SORBS2: variants seen among roughly 807,000 people sequenced by gnomAD.
The protein encoded by SORBS2 is sorbin and SH3 domain containing 2.
A neutral mutation model predicts 97.7 loss-of-function variants in SORBS2; 46 were observed. That is an observed-to-expected ratio of 0.47 (90% CI 0.37 to 0.60). The LOEUF (loss-of-function observed/expected upper bound fraction) is 0.60, where lower values mean the gene tolerates loss of function less well. Among genes scored for constraint, SORBS2 ranks in the 20% least tolerant of loss-of-function variants. The pLI is 0.00. For missense variants in SORBS2, 1,316 were observed against 1,282.3 expected (o/e 1.03, Z -0.40); for synonymous variants, 476 against 473.4 (o/e 1.01, Z -0.07).
chr4:185,954,383 T>C (rs1217733088), intron 1 of SORBS2, among the ~76,000 whole-genome samples: 1 of 151,296 alleles, frequency 6.6e-6, no homozygotes, highest in African/African-American at 2.4e-5. Context: ...AATTTTGTAT[T>C]ATTTTGATAG....
At chr4:185,880,868 T>C (rs1283851279) in intron 1 of SORBS2, among the ~76,000 whole-genome samples, 41 of 152,174 alleles carry the variant, frequency 2.7e-4, no homozygotes, top group Admixed American at 2.7e-3. Flanking sequence ...CTAAGAGATC[T>C]GGGAAGTATT....
intron 1 of SORBS2, among the ~76,000 whole-genome samples, chr4:185,852,142 C>G (rs925479727): frequency 3.3e-5 from 5 of 152,206 alleles, no homozygotes; most frequent in African/African-American, 9.7e-5. Flanking sequence ...GGAGTCAACA[C>G]AGCTACAGGC....
rs1451542974 is a variant in SORBS2, at chr4:185,866,260, A to T, written c.-338+89936T>A. ...CAGTGTTCCCAGCCTCTCAGCAAACAAACCAAGCGCAGTGTTTACCAGGAA... is the reference window on the plus strand; with the variant it reads ...CAGTGTTCCCAGCCTCTCAGCAAACTAACCAAGCGCAGTGTTTACCAGGAA... On this transcript the variant is annotated intron_variant, in intron 1 of 20. Transcript: ENST00000284776. Among the ~76,000 whole-genome samples, 3 of 152,320 alleles carry T rather than the reference A, an allele frequency of 2.0e-5. No homozygotes were observed. In the East Asian group the frequency reaches 5.8e-4, roughly 29 times the overall value.
chr4:185,922,666 T>C (rs1043466227), intron 1 of SORBS2, among the ~76,000 whole-genome samples: 5 of 152,260 alleles, frequency 3.3e-5, no homozygotes, highest in Non-Finnish European at 7.3e-5. Context: ...ACAGCGATTA[T>C]CATTTCCTTT....
intron 2 of SORBS2, among the ~76,000 whole-genome samples, chr4:185,701,788 T>TC (rs982931596): frequency 4.0e-5 from 6 of 151,598 alleles, no homozygotes; most frequent in Non-Finnish European, 2.9e-5. Flanking sequence ...TTTTTTTTTT[T>TC]TAGACGGAGT....
chr4:185,727,167 C>A (rs531526011), intron 2 of SORBS2, among the ~76,000 whole-genome samples: 3 of 152,172 alleles, frequency 2.0e-5, no homozygotes, highest in Non-Finnish European at 4.4e-5. Flanking sequence ...GGCTACTAAA[C>A]GAGTCATTCA....
At chr4:185,770,981 T>TC (rs2098966999) in intron 2 of SORBS2, 4 of 139,592 alleles carry the variant, frequency 2.9e-5, no homozygotes, top group Non-Finnish European at 6.2e-5. Flanking sequence ...TTTCCTTTTT[T>TC]TTTTTTTTTT....
chr4:185,635,215 T>A lies in SORBS2; in HGVS notation c.397-4617A>T, dbSNP rs1366700319. Reference sequence around the variant, plus strand: ...TTAATGTCCAGGCAATGATACTGGATGCAACATAATGATGCAAAGATAGAT... The same window carrying A: ...TTAATGTCCAGGCAATGATACTGGAAGCAACATAATGATGCAAAGATAGAT... On this transcript the variant is annotated intron_variant, in intron 4 of 14. Transcript: ENST00000418609. 8 of 636,328 alleles carry A rather than the reference T, an allele frequency of 1.3e-5. No individual in the cohort carries two copies. The East Asian group carries it at 2.3e-4, about 18-fold the overall frequency. 39.4% of individuals were successfully genotyped at this position (636,328 alleles called of 1,614,324 possible).
exon 5 of SORBS2, chr4:185,662,124 A>C: frequency 1.2e-6 from 2 of 1,614,194 alleles, no homozygotes; most frequent in East Asian, 2.2e-5. Flanking sequence ...GCCGTGCTGC[A>C]TGACAATGCT....
chr4:185,809,878 C>A (rs2099172396), intron 1 of SORBS2, among the ~76,000 whole-genome samples: 1 of 152,152 alleles, frequency 6.6e-6, no homozygotes, highest in Admixed American at 6.5e-5. Flanking sequence ...AAAGCTCCCC[C>A]AAGAAAAATT....
At chr4:185,621,232 G>A (rs2096715016) in intron 7 of SORBS2, among the ~76,000 whole-genome samples, 1 of 152,140 alleles carries the variant, frequency 6.6e-6, no homozygotes, top group South Asian at 2.1e-4. Context: ...TGACTACTTT[G>A]ATGATGTAAA....
rs778654953 is a variant in SORBS2 at position 185,593,939 on chromosome 4, A to C, written c.2797-4T>G. The C allele has an allele frequency of 1.3e-6, 2 of 1,597,674 alleles. No individual in the cohort carries two copies. Among genetic ancestry groups the C allele is most frequent in the Non-Finnish European group, 1.7e-6 (2 of 1,165,222 alleles). The stretch of plus-strand genomic sequence containing the variant: ...GAGTAAACACAGGACGCTGTGGCTG[A>C]AATGAAATGATTTTCAATGTAATCA... On this transcript the variant is annotated splice_polypyrimidine_tract_variant and splice_region_variant and intron_variant, in intron 12 of 14. Coordinates refer to ENST00000418609, the Ensembl canonical transcript of SORBS2.
chr4:185,603,879 CT>C (rs2096339174), intron 12 of SORBS2, among the ~76,000 whole-genome samples: 1 of 152,194 alleles, frequency 6.6e-6, no homozygotes. Flanking sequence ...AAGGATGATC[CT>C]TCCCACATCC....
chr4:185,914,375 G>T (rs567451067), intron 1 of SORBS2, among the ~76,000 whole-genome samples: 9 of 152,106 alleles, frequency 5.9e-5, no homozygotes, highest in Non-Finnish European at 1.2e-4. Context: ...CCTCATTCTG[G>T]TATAATTTTT....
At chr4:185,697,742 C>T (rs1170108638) in intron 2 of SORBS2, among the ~76,000 whole-genome samples, 1 of 152,166 alleles carries the variant, frequency 6.6e-6, no homozygotes, top group East Asian at 1.9e-4. Context: ...TGGCAGCCTA[C>T]TCCTGCTTAA....
chr4:185,910,705 C>T (rs1001981453), intron 1 of SORBS2, among the ~76,000 whole-genome samples: 11 of 152,062 alleles, frequency 7.2e-5, no homozygotes, highest in African/African-American at 2.7e-4. Flanking sequence ...CCTCCTGAGT[C>T]GCCGAGATGG....
In SORBS2 at chr4:185,721,084, C is replaced by CTTTTTTTTTTTTT. The variant is rs1160319469; in HGVS notation, c.-197-42275_-197-42263dup. On this transcript the variant is annotated intron_variant, in intron 2 of 20. Transcript: ENST00000284776. ...CCTAACTCCTGCTTTCCCACCTATT[C>CTTTTTTTTTTTTT]TTTTTTTTTTTTTTTTTTTTTTGAG... 4.0e-3 allele frequency among the ~76,000 whole-genome samples: 372 copies of CTTTTTTTTTTTTT among 92,154 alleles called. 23 individuals are homozygous for CTTTTTTTTTTTTT. The highest frequency in any genetic ancestry group is 7.8e-3 in the Middle Eastern group (1 of 128). The allele number at this position is 92,154 out of a possible 152,430, so 60.5% of individuals were successfully genotyped here. A position where few individuals can be genotyped will look rare whatever the true frequency, so the allele number is the denominator to read the frequency against.
intron 2 of SORBS2, among the ~76,000 whole-genome samples, chr4:185,758,830 A>G (rs2098846503): frequency 6.6e-6 from 1 of 152,240 alleles, no homozygotes; most frequent in Non-Finnish European, 1.5e-5. Context: ...CCAGATGGGT[A>G]ACCCTATGGG....
intron 1 of SORBS2, among the ~76,000 whole-genome samples, chr4:185,821,325 GGGTGGAAGGGT>G (rs1390179068): frequency 6.6e-6 from 1 of 152,238 alleles, no homozygotes; most frequent in African/African-American, 2.4e-5. Context: ...GAGGTGGACA[GGGTGGAAGGGT>G]CACTGTTTGT....
Sources: allele counts gnomAD v4.1 joint callset (sites outside exome capture counted in the v4.1 genomes callset), GRCh38; gene constraint gnomAD v4.1.1; transcripts MANE v1.5; gene names NCBI Gene and HGNC (gene_info 2026-07-23, HGNC 2026-07-21).